Variants in DST observed in about 807,000 individuals in gnomAD.
The protein encoded by DST is dystonin.
DST carries 253 observed loss-of-function variants against 875.2 expected under a neutral mutation model. The ratio of observed to expected loss-of-function variants is 0.29; its 90% CI spans 0.26 to 0.32. The LOEUF is 0.32. DST is among the 10% of genes least tolerant of loss of function. The pLI, the probability that DST is intolerant of heterozygous loss-of-function variation, is 1.00. For synonymous variants in DST, 3,124 were observed against 3,197.1 expected (o/e 0.98, Z 0.77); for missense variants, 8,287 against 9,111.6 (o/e 0.91, Z 3.68).
chr6:56,908,098 T>TATATATATATATACACACACACAC (rs148958146), intron 2 of DST, among the ~76,000 whole-genome samples: 10 of 150,612 alleles, frequency 6.6e-5, no homozygotes, highest in African/African-American at 2.2e-4. Context: ...TATATATATA[T>TATATATATATATACACACACACAC]ACACACACAC....
rs572477548 is a variant in DST, at chr6:56,489,496, T to C, written c.20871A>G (p.Gln6957=). The change falls in exon 86 of 104, where the codon CAA becomes CAG. Residue 6957 remains glutamine, a synonymous_variant. Coordinates refer to ENST00000680361, the MANE Select transcript of DST (RefSeq NM_001374736.1). ...DPDKIKTQLA[Q]HKEFQKSLGA... Reference sequence around the variant, plus strand: ...TTCTTAATTATGGACCCACCTTATGTTGTGCAAGTTGTGTTTTTATTTTGT... The same window carrying C: ...TTCTTAATTATGGACCCACCTTATGCTGTGCAAGTTGTGTTTTTATTTTGT... 662 of 1,612,090 alleles carry C rather than the reference T, an allele frequency of 4.1e-4. 14 individuals carry two copies. The South Asian group carries it at 6.9e-3, about 17-fold the overall frequency.
chr6:56,759,815 C>A (rs942433270), intron 4 of DST, among the ~76,000 whole-genome samples: 1 of 152,146 alleles, frequency 6.6e-6, no homozygotes, highest in African/African-American at 2.4e-5. Context: ...AACAGCTACT[C>A]CCCATCAAAG....
intron 51 of DST, 102 bp from the exon 52 acceptor site, chr6:56,573,166 C>G: frequency 4.8e-6 from 5 of 1,034,300 alleles, no homozygotes; most frequent in South Asian, 1.9e-5. Flanking sequence ...GCTTGCACAA[C>G]CTGTGCCTAG....
intron 58 of DST, 104 bp downstream of exon 58, chr6:56,560,190 C>T: frequency 8.6e-7 from 1 of 1,163,046 alleles, no homozygotes; most frequent in South Asian, 2.5e-5. Context: ...TAAAGCAAAT[C>T]CAAAAATAAG....
Position 56,530,139 on chromosome 6 carries a change from A to G in DST, c.17109-6T>C. On this transcript the variant is annotated splice_polypyrimidine_tract_variant and splice_region_variant and intron_variant, in intron 64 of 103. Transcript: ENST00000680361. ...TACCTTCCAACTGACGATTCCTACA[A>G]ATGTGCCAAAAGGTCATTTAGGGAT... The G allele has an allele frequency of 6.4e-7, 1 of 1,573,052 alleles. No homozygotes were observed. The highest frequency in any genetic ancestry group is 8.6e-7 in the Non-Finnish European group (1 of 1,162,534).
rs1028060639 is a variant in DST, at chr6:56,619,567, T to G, written c.4929+4963A>C. Reference sequence around the variant, plus strand: ...CAGCTACAGCATGTGCCCTTGTGATTCTGTCTACTTCTCTTTGTAGTTTCC... The same window carrying G: ...CAGCTACAGCATGTGCCCTTGTGATGCTGTCTACTTCTCTTTGTAGTTTCC... On this transcript the variant is annotated intron_variant, in intron 36 of 103. Transcript: ENST00000680361. The G allele has an allele frequency of 6.2e-6, 10 of 1,613,878 alleles. No homozygotes were observed. Among genetic ancestry groups the G allele is most frequent in the Non-Finnish European group, 8.5e-6 (10 of 1,180,002 alleles).
At chr6:56,750,827 C>T (rs2099584709) in intron 4 of DST, among the ~76,000 whole-genome samples, 1 of 152,156 alleles carries the variant, frequency 6.6e-6, no homozygotes, top group Non-Finnish European at 1.5e-5. Flanking sequence ...TATAACCTTT[C>T]CAGAATTTGG....
intron 3 of DST, among the ~76,000 whole-genome samples, chr6:56,894,132 T>C (rs1234577027): frequency 0.015 from 344 of 22,774 alleles, 1 homozygote; most frequent in Non-Finnish European, 0.021. Context: ...CCAGACGGGG[T>C]CGTGGCCGGG....
intron 4 of DST, among the ~76,000 whole-genome samples, chr6:56,748,697 T>C (rs1475353735): frequency 6.6e-6 from 1 of 152,230 alleles, no homozygotes; most frequent in East Asian, 1.9e-4. Flanking sequence ...CCTCTTCTTA[T>C]TGATTTTTTA....
chr6:56,462,958 A>C, intron 102 of DST, 88 bp downstream of exon 102: 1 of 701,764 alleles, frequency 1.4e-6, no homozygotes, highest in East Asian at 2.6e-5. Flanking sequence ...CAAAGTACAT[A>C]TATTTAGGGA....
chr6:56,582,869 GT>G (rs2152654300), intron 49 of DST, among the ~76,000 whole-genome samples: 1 of 152,118 alleles, frequency 6.6e-6, no homozygotes, highest in South Asian at 2.1e-4. Context: ...CCTTGTGATA[GT>G]TTACTGAGAA....
chr6:56,471,201 T>C lies in DST; in HGVS notation c.22226A>G (p.Lys7409Arg). Reference protein sequence around the residue: ...RKKYMRWMNHKKSRVMDFFRR... With the variant: ...RKKYMRWMNHRKSRVMDFFRR... ...GAAGAAGTCCATCACTCGAGATTTC[T>C]TGTGATTCATCCATCGCATGTATTT... is the stretch of plus-strand genomic sequence containing the variant. Residue 7409 changes from lysine (K) to arginine (R), a missense_variant, in exon 95 of 104, where the codon AAG becomes AGG. Lys to Arg is a conservative substitution (Grantham distance 26, BLOSUM62 2). This residue lies in a region of DST where 87 missense variants were observed against 209.7 expected (regional missense o/e 0.41). Transcript: ENST00000680361. The C allele has an allele frequency of 6.2e-7, 1 of 1,605,606 alleles. No homozygotes were observed. Among genetic ancestry groups the C allele is most frequent in the Non-Finnish European group, 8.5e-7 (1 of 1,175,250 alleles).
chr6:56,951,531 G>A (rs1013255232), intron 2 of DST, among the ~76,000 whole-genome samples: 8 of 152,086 alleles, frequency 5.3e-5, no homozygotes, highest in Non-Finnish European at 1.2e-4. Flanking sequence ...TGCAGAAAAT[G>A]GCATCTTGAT....
chr6:56,822,570 G>A (rs970027959), intron 4 of DST, among the ~76,000 whole-genome samples: 2 of 152,144 alleles, frequency 1.3e-5, no homozygotes, highest in African/African-American at 2.4e-5. Context: ...CCATCAGAAA[G>A]GAGTAGGCAG....
chr6:56,945,278 T>C (rs903457799), intron 2 of DST, among the ~76,000 whole-genome samples: 2 of 152,168 alleles, frequency 1.3e-5, no homozygotes, highest in Admixed American at 6.5e-5. Context: ...GTCCAGAGGC[T>C]TATTATAGGG....
intron 3 of DST, among the ~76,000 whole-genome samples, chr6:56,879,137 A>G (rs1780825033): frequency 6.6e-6 from 1 of 152,172 alleles, no homozygotes; most frequent in South Asian, 2.1e-4. Flanking sequence ...TCTCAGACAC[A>G]ACCACTTTCA....
intron 10 of DST, among the ~76,000 whole-genome samples, chr6:56,652,021 T>C (rs2152799860): frequency 6.6e-6 from 1 of 152,266 alleles, no homozygotes; most frequent in South Asian, 2.1e-4. Flanking sequence ...AGTAGGTTGG[T>C]TCCTTAGTAA....
intron 4 of DST, among the ~76,000 whole-genome samples, chr6:56,783,504 T>C (rs1339746698): frequency 2.0e-5 from 3 of 152,168 alleles, no homozygotes; most frequent in Non-Finnish European, 4.4e-5. Flanking sequence ...CTTTTGATCT[T>C]TGTTGGTTTA....
At chr6:56,816,429 G>A (rs1238149231) in intron 4 of DST, among the ~76,000 whole-genome samples, 1 of 152,152 alleles carries the variant, frequency 6.6e-6, no homozygotes, top group Non-Finnish European at 1.5e-5. Flanking sequence ...CACAGAAGAG[G>A]CTTCATCCAC....
Sources: gnomAD v4.1 joint callset for allele counts (sites outside exome capture counted in the v4.1 genomes callset) on GRCh38, gnomAD v4.1.1 for gene constraint, gnomAD v4.1.1 regional missense constraint, MANE v1.5 for transcripts, NCBI Gene and HGNC (gene_info 2026-07-23, HGNC 2026-07-21) for gene names.